THSD7B: variants seen among roughly 807,000 people sequenced by gnomAD.
THSD7B encodes thrombospondin type-1 domain-containing protein 7B.
A neutral mutation model predicts 213.6 loss-of-function variants in THSD7B; 138 were observed. That is an observed-to-expected ratio of 0.65 (90% confidence interval 0.56 to 0.74). The LOEUF is 0.74. THSD7B is among the 30% of genes least tolerant of loss of function. THSD7B has a pLI of 0.00. For missense variants in THSD7B, 1,931 were observed against 1,991.5 expected (o/e 0.97, Z 0.58); for synonymous variants, 742 against 687.0 (o/e 1.08, Z -1.25).
intron 12 of THSD7B, among the ~76,000 whole-genome samples, chr2:137,330,638 C>T (rs189048083): frequency 2.0e-4 from 30 of 152,170 alleles, no homozygotes; most frequent in Admixed American, 1.2e-3. Context: ...TCATTCCCCC[C>T]GGTGAGCTCA....
chr2:136,798,103 G>A (rs889829208), intron 1 of THSD7B, among the ~76,000 whole-genome samples: 1 of 151,752 alleles, frequency 6.6e-6, no homozygotes, highest in African/African-American at 2.4e-5. Context: ...AATCAAGGAT[G>A]CCTGTTGGTT....
chr2:137,153,444 A>C (rs182849173), intron 5 of THSD7B, among the ~76,000 whole-genome samples: 23 of 152,318 alleles, frequency 1.5e-4, no homozygotes, highest in Non-Finnish European at 3.4e-4. Context: ...TCTTCCTGCC[A>C]AATTGTATTG....
intron 2 of THSD7B, among the ~76,000 whole-genome samples, chr2:136,952,766 A>C (rs928540474): frequency 6.6e-6 from 1 of 152,130 alleles, no homozygotes; most frequent in Non-Finnish European, 1.5e-5. Flanking sequence ...TCAAGTACAT[A>C]GGCCTTGAGA....
chr2:137,059,843 T>A (rs1187870565), intron 3 of THSD7B, among the ~76,000 whole-genome samples: 1 of 152,170 alleles, frequency 6.6e-6, no homozygotes, highest in Admixed American at 6.5e-5. Flanking sequence ...AGTTTATGTG[T>A]GTAATTTTTT....
intron 14 of THSD7B, among the ~76,000 whole-genome samples, chr2:137,434,256 T>G (rs1011652408): frequency 1.3e-5 from 2 of 152,194 alleles, no homozygotes; most frequent in African/African-American, 4.8e-5. Context: ...AATTTCTTTC[T>G]GCATATGCCA....
At chr2:137,441,469 C>T (rs1687410562) in intron 14 of THSD7B, among the ~76,000 whole-genome samples, 1 of 152,152 alleles carries the variant, frequency 6.6e-6, no homozygotes, top group Non-Finnish European at 1.5e-5. Context: ...TTGCCTTCCA[C>T]ATGCCTGTCT....
intron 5 of THSD7B, among the ~76,000 whole-genome samples, chr2:137,154,759 TAATTAC>T (rs1343833321): frequency 6.6e-6 from 1 of 152,206 alleles, no homozygotes; most frequent in African/African-American, 2.4e-5. Context: ...TTTTTCCTCT[TAATTAC>T]AATTCATTTT....
intron 9 of THSD7B, among the ~76,000 whole-genome samples, chr2:137,237,694 C>T (rs1411949794): frequency 2.6e-5 from 4 of 152,238 alleles, no homozygotes; most frequent in African/African-American, 9.6e-5. Flanking sequence ...TGGGGAGAAC[C>T]TAGGTTCCTA....
At chr2:136,811,806 G>A (rs935142783) in intron 1 of THSD7B, among the ~76,000 whole-genome samples, 14 of 152,082 alleles carry the variant, frequency 9.2e-5, no homozygotes, top group Admixed American at 6.6e-4. Flanking sequence ...GCAGCACAGG[G>A]GCCTCTTTTG....
At position 137,447,229 on chromosome 2, in the gene THSD7B, G is replaced by A. The variant is rs191346645; in HGVS notation, c.2960-3616G>A. 5.3e-5 allele frequency among the ~76,000 whole-genome samples: 8 copies of A among 151,992 alleles called. 1 individual carries two copies. In the South Asian group the frequency reaches 1.0e-3, roughly 20 times the overall value. On this transcript the variant is annotated intron_variant, in intron 14 of 27. Coordinates refer to ENST00000409968, the MANE Select transcript of THSD7B (RefSeq NM_001316349.2). ...AAAGAAAAAAAAAGTATTGCTACAG[G>A]CTTGCTAATTAAAATCCTTCAGTAT...
chr2:137,065,938 G>T (rs1426347966), intron 3 of THSD7B, among the ~76,000 whole-genome samples: 1 of 151,514 alleles, frequency 6.6e-6, no homozygotes, highest in Non-Finnish European at 1.5e-5. Context: ...GATTATTATT[G>T]TTAGATCAAT....
intron 12 of THSD7B, among the ~76,000 whole-genome samples, chr2:137,380,931 T>G (rs1685759927): frequency 6.6e-6 from 1 of 152,204 alleles, no homozygotes; most frequent in African/African-American, 2.4e-5. Flanking sequence ...TACATATGGC[T>G]TGTGCCCATG....
chr2:137,537,118 A>G (rs1680521323), intron 15 of THSD7B, among the ~76,000 whole-genome samples: 1 of 151,810 alleles, frequency 6.6e-6, no homozygotes, highest in Admixed American at 6.6e-5. Context: ...ATGATCATTG[A>G]TCTAAATTCC....
rs542857235 is a variant in THSD7B, at chr2:137,655,496, C to T, written c.3946-5C>T. On this transcript the variant is annotated splice_polypyrimidine_tract_variant and splice_region_variant and intron_variant, in intron 21 of 27. Transcript: ENST00000409968. ...TAATTGTGAAAGTATCCTTTCCTCT[C>T]ATAGGGTGGAGACTGTGGGGAAGGA... 1 of 1,607,838 alleles carries T rather than the reference C, an allele frequency of 6.2e-7. No individual in the cohort carries two copies. The highest frequency in any genetic ancestry group is 8.5e-7 in the Non-Finnish European group (1 of 1,176,838).
chr2:137,644,923 AG>A (rs1683001061), intron 21 of THSD7B, among the ~76,000 whole-genome samples: 1 of 152,172 alleles, frequency 6.6e-6, no homozygotes, highest in Admixed American at 6.5e-5. Context: ...ATTTATCCTC[AG>A]GCATCACTTT....
At chr2:137,474,068 T>C (rs1688147139) in intron 15 of THSD7B, among the ~76,000 whole-genome samples, 1 of 152,228 alleles carries the variant, frequency 6.6e-6, no homozygotes, top group South Asian at 2.1e-4. Flanking sequence ...TACAATCTTA[T>C]GCTTTTCACT....
intron 4 of THSD7B, among the ~76,000 whole-genome samples, chr2:137,097,884 A>G (rs1688069296): frequency 1.3e-5 from 2 of 152,146 alleles, no homozygotes; most frequent in African/African-American, 4.8e-5. Flanking sequence ...AGTGTTCCAT[A>G]GGGAGAATAA....
At chr2:137,664,628 C>A (rs950438655) in intron 26 of THSD7B, among the ~76,000 whole-genome samples, 2 of 152,068 alleles carry the variant, frequency 1.3e-5, no homozygotes, top group Non-Finnish European at 2.9e-5. Context: ...TGTTATCATC[C>A]CATTTGAGAG....
intron 12 of THSD7B, among the ~76,000 whole-genome samples, chr2:137,340,713 C>T (rs1213874443): frequency 2.6e-5 from 4 of 151,758 alleles, no homozygotes; most frequent in African/African-American, 9.7e-5. Context: ...TTTCACTTAG[C>T]ATGATGCTCT....
Sources: allele counts gnomAD v4.1 joint callset (sites outside exome capture counted in the v4.1 genomes callset), GRCh38; gene constraint gnomAD v4.1.1; transcripts MANE v1.5; gene names NCBI Gene and HGNC (gene_info 2026-07-23, HGNC 2026-07-21).